Variants in DRP2 observed in about 807,000 individuals in gnomAD.
The protein encoded by DRP2 is dystrophin-related protein 2.
DRP2 carries 29 observed loss-of-function variants against 78.2 expected under a neutral mutation model. That is an observed-to-expected ratio of 0.37 (90% CI 0.28 to 0.51). The LOEUF is 0.51. Among genes scored for constraint, DRP2 ranks in the 20% least tolerant of loss-of-function variants. The pLI is 0.94. For missense variants in DRP2, 686 were observed against 770.6 expected (o/e 0.89, Z 1.30); for synonymous variants, 290 against 281.9 (o/e 1.03, Z -0.29).
chrX:101,236,921 C>T (rs1445037119), intron 4 of DRP2, among the ~76,000 whole-genome samples: 3 of 111,607 alleles, frequency 2.7e-5, no homozygotes, highest in Non-Finnish European at 5.6e-5. Context: ...TTATTGTCAG[C>T]CAAGGGGAAT....
At chrX:101,251,174 AT>A in intron 16 of DRP2, 91 bp downstream of exon 16, 16 of 842,363 alleles carry the variant, frequency 1.9e-5, no homozygotes, top group Non-Finnish European at 2.6e-5. Context: ...TCACCTAATT[AT>A]TATATAATTA....
chrX:101,250,809 C>G, intron 15 of DRP2, 108 bp from the exon 16 acceptor site: 3 of 1,048,425 alleles, frequency 2.9e-6, no homozygotes, highest in Non-Finnish European at 2.6e-6. Flanking sequence ...CTCTGGAGAA[C>G]AGGCCAACCC....
In DRP2 at chrX:101,231,624, TCCC is replaced by T. The variant is rs754033940; in HGVS notation, c.-19_-17del. ...ATAGTTGGTGCACTGCCTATCCTCATCCCCCCCATGAGCCTTGGTTTTTATGCA... is the reference window on the plus strand; with the variant it reads ...ATAGTTGGTGCACTGCCTATCCTCATCCCCATGAGCCTTGGTTTTTATGCA... On this transcript the variant is annotated 5_prime_UTR_variant, in exon 3 of 24. Transcript: ENST00000395209. 1.7e-6 allele frequency: 2 copies of T among 1,157,145 alleles called. No individual in the cohort carries two copies. Among genetic ancestry groups the T allele is most frequent in the South Asian group, 3.6e-5 (2 of 55,753 alleles).
At chrX:101,224,200 T>TG (rs1569507505) in intron 1 of DRP2, among the ~76,000 whole-genome samples, 6 of 67,547 alleles carry the variant, frequency 8.9e-5, no homozygotes, top group African/African-American at 2.4e-4. Context: ...TGTTTTTTTT[T>TG]TTTTTTTTTT....
rs746910173 is a variant in DRP2, at chrX:101,260,581, G to A, written c.2834G>A (p.Arg945Gln). 48 of 1,209,570 alleles carry A rather than the reference G, an allele frequency of 4.0e-5. No homozygotes were observed. The highest frequency in any genetic ancestry group is 1.9e-5 in the Non-Finnish European group (17 of 895,119). ...EKLRHAFPSV[R>Q]SSDVTANTLL... Reference sequence around the variant, plus strand: ...CTCCGTCATGCCTTCCCCAGTGTGCGAAGTTCTGATGTGACTGCCAACACC... The same window carrying A: ...CTCCGTCATGCCTTCCCCAGTGTGCAAAGTTCTGATGTGACTGCCAACACC... The change falls in exon 24 of 24, where the codon CGA becomes CAA. Residue 945 changes from arginine (R) to glutamine (Q), a missense_variant. By Grantham distance (43) the Arg-to-Gln change is conservative. This residue lies in a region of DRP2 where 423 missense variants were observed against 531.5 expected (regional missense o/e 0.80). Transcript: ENST00000395209.
chrX:101,223,276 C>T (rs1010779241), intron 1 of DRP2, among the ~76,000 whole-genome samples: 6 of 112,129 alleles, frequency 5.4e-5, no homozygotes, highest in Non-Finnish European at 1.1e-4. Flanking sequence ...GTTGGGATTA[C>T]AGCCATGAGC....
rs757466405 is a variant in DRP2 at position 101,237,716 on chromosome X, G to C, written c.379G>C (p.Ala127Pro). 3.4e-6 allele frequency: 4 copies of C among 1,176,691 alleles called. No individual in the cohort carries two copies. The South Asian group carries it at 6.0e-5, about 18-fold the overall frequency. The change falls in exon 5 of 24, where the codon GCT becomes CCT. Residue 127 changes from alanine to proline, a missense_variant. Physicochemically the swap from Ala to Pro is conservative, Grantham distance 27 (BLOSUM62 -1). This residue lies in a region of DRP2 where 263 missense variants were observed against 239.1 expected (regional missense o/e 1.10). Transcript: ENST00000395209. Reference protein sequence around the residue: ...WLSQKDEELSAQLPLQGDVAL... With the variant: ...WLSQKDEELSPQLPLQGDVAL... The stretch of plus-strand genomic sequence containing the variant: ...CAGCCAAAAGGATGAGGAGTTGTCA[G>C]CTCAGCTGCCCCTACAGGGGGATGT...
At chrX:101,232,292 C>T (rs1482038753) in intron 3 of DRP2, among the ~76,000 whole-genome samples, 1 of 111,324 alleles carries the variant, frequency 9.0e-6, no homozygotes, top group East Asian at 2.8e-4. Flanking sequence ...GTGTATGTGT[C>T]CGCCTGTGTA....
At chrX:101,226,645 A>G (rs143084699) in intron 2 of DRP2, among the ~76,000 whole-genome samples, 2,095 of 111,676 alleles carry the variant, frequency 0.019, 49 homozygotes, top group African/African-American at 0.065. Context: ...ACAGTTTGGT[A>G]TCCAGCAGGG....
At position 101,242,486 on chromosome X, in the gene DRP2, T is replaced by G; in HGVS notation, c.975+15T>G. On this transcript the variant is annotated intron_variant, in intron 8 of 23. Coordinates refer to ENST00000395209, the MANE Select transcript of DRP2 (RefSeq NM_001939.3). ...AACAACTACAGGTAGAAGAGCAGCC[T>G]GGAGTGAACCATGGGGAGGTGCCTC... 1 of 1,199,312 alleles carries G rather than the reference T, an allele frequency of 8.3e-7. No individual in the cohort carries two copies. The highest frequency in any genetic ancestry group is 3.0e-5 in the East Asian group (1 of 33,593).
intron 15 of DRP2, 39 bp from the exon 16 acceptor site, chrX:101,250,878 G>A (rs1210432157): frequency 8.3e-7 from 1 of 1,198,844 alleles, no homozygotes; most frequent in African/African-American, 1.7e-5. Context: ...AAGACACTTT[G>A]GGCCTCAGTC....
chrX:101,230,698 G>C (rs1412942928), intron 2 of DRP2, among the ~76,000 whole-genome samples: 1 of 110,165 alleles, frequency 9.1e-6, no homozygotes, highest in Non-Finnish European at 1.9e-5. Context: ...CACACAACAA[G>C]GCACCTACCT....
chrX:101,250,373 C>T (rs1272966907), intron 14 of DRP2, 50 bp from the exon 15 acceptor site: 1 of 1,206,933 alleles, frequency 8.3e-7, no homozygotes, highest in South Asian at 1.8e-5. Context: ...TCACCATTCT[C>T]CGGCCATTCC....
intron 9 of DRP2, among the ~76,000 whole-genome samples, chrX:101,243,417 CA>C (rs1569508942): frequency 2.9e-5 from 2 of 67,826 alleles, no homozygotes; most frequent in Non-Finnish European, 5.2e-5. Context: ...AAAAAAAAAA[CA>C]CAATCTCTCA....
intron 9 of DRP2, 58 bp from the exon 10 acceptor site, chrX:101,244,959 G>A: frequency 1.9e-6 from 2 of 1,076,174 alleles, no homozygotes; most frequent in Non-Finnish European, 2.5e-6. Context: ...GGGAGTAGCT[G>A]GGGGCCTTAA....
intron 9 of DRP2, 99 bp from the exon 10 acceptor site, chrX:101,244,918 G>A (rs921432377): frequency 9.8e-6 from 8 of 817,161 alleles, no homozygotes; most frequent in Non-Finnish European, 3.5e-6. Flanking sequence ...CCCCTTTTGG[G>A]CTTGACAACC....
rs973193871 is a variant in DRP2, at chrX:101,261,497, G to A, written c.*876G>A. On this transcript the variant is annotated 3_prime_UTR_variant, in exon 24 of 24. Coordinates refer to ENST00000395209, the MANE Select transcript of DRP2 (RefSeq NM_001939.3). ...ACACAGTGGCAGCTTGCTGAGCAAG[G>A]GAGTGTTGCTTTCCTTGGGTAAGGA... is the stretch of plus-strand genomic sequence containing the variant. 6.3e-5 allele frequency: 7 copies of A among 111,322 alleles called. No homozygotes were observed. The highest frequency in any genetic ancestry group is 2.0e-4 in the African/African-American group (6 of 30,566). The allele number at this position is 111,322 out of a possible 1,213,427, so 9.2% of individuals were successfully genotyped here. A position where few individuals can be genotyped will look rare whatever the true frequency, so the allele number is the denominator to read the frequency against.
At chrX:101,228,553 C>G (rs751179524) in intron 2 of DRP2, among the ~76,000 whole-genome samples, 2 of 111,741 alleles carry the variant, frequency 1.8e-5, no homozygotes, top group South Asian at 3.8e-4. Flanking sequence ...GACTCTAGGT[C>G]TGTCTGATGC....
rs1922785465 is a variant in DRP2 at position 101,242,930 on chromosome X, G to A, written c.1002G>A (p.Gln334=). The change falls in exon 9 of 24, where the codon CAG becomes CAA. Residue 334 remains glutamine (Q), a synonymous_variant. Coordinates refer to ENST00000395209, the MANE Select transcript of DRP2 (RefSeq NM_001939.3). ...CGTCAGTTAGTGAGAGGCTTAAGCA[G>A]CTCCAGGATGCCCACCGGGACTTTG... ...LQASVSERLK[Q]LQDAHRDFGP... 2 of 1,208,859 alleles carry A rather than the reference G, an allele frequency of 1.7e-6. No individual in the cohort carries two copies. The highest frequency in any genetic ancestry group is 1.1e-6 in the Non-Finnish European group (1 of 894,867).
Sources: allele counts gnomAD v4.1 joint callset (sites outside exome capture counted in the v4.1 genomes callset), GRCh38; gene constraint gnomAD v4.1.1; regional missense constraint gnomAD v4.1.1; transcripts MANE v1.5; gene names NCBI Gene and HGNC (gene_info 2026-07-23, HGNC 2026-07-21).